The following SLC26A7 variants were observed in gnomAD, a reference collection of about 807,000 sequenced individuals.
SLC26A7 encodes anion exchange transporter.
A neutral mutation model predicts 82.5 loss-of-function variants in SLC26A7; 59 were observed. The ratio of observed to expected loss-of-function variants is 0.72; its 90% confidence interval spans 0.58 to 0.89. SLC26A7 has a LOEUF of 0.89. Ranked by LOEUF, SLC26A7 falls within the 40% of genes least tolerant of loss-of-function variation. SLC26A7 has a pLI of 0.00. For synonymous variants in SLC26A7, 271 were observed against 274.3 expected, an observed-to-expected ratio of 0.99 and a Z score of 0.12; for missense variants, 820 against 793.0, an observed-to-expected ratio of 1.03 and a Z score of -0.41.
At chr8:91,375,148 C>G (rs1287199179) in intron 15 of SLC26A7, among the ~76,000 whole-genome samples, 1 of 151,886 alleles carries the variant, frequency 6.6e-6, no homozygotes, top group African/African-American at 2.4e-5. Flanking sequence ...AAAAATGAGG[C>G]TATGGAGGCA....
chr8:91,314,383 C>T (rs1812573214), intron 4 of SLC26A7, among the ~76,000 whole-genome samples: 1 of 152,140 alleles, frequency 6.6e-6, no homozygotes, highest in Non-Finnish European at 1.5e-5. Flanking sequence ...TGCTTGTGTA[C>T]TTGCTACCTT....
chr8:91,242,554 G>A (rs2130687048), intron 2 of SLC26A7, among the ~76,000 whole-genome samples: 1 of 152,294 alleles, frequency 6.6e-6, no homozygotes, highest in Non-Finnish European at 1.5e-5. Context: ...AGTTAGGTTT[G>A]GATAAGGTCA....
intron 2 of SLC26A7, among the ~76,000 whole-genome samples, chr8:91,229,020 C>T (rs970638356): frequency 6.6e-6 from 1 of 152,180 alleles, no homozygotes; most frequent in Non-Finnish European, 1.5e-5. Context: ...TAGGAGTGGA[C>T]GGACAAAGCC....
At chr8:91,351,770 A>G in intron 9 of SLC26A7, 40 bp from the exon 10 acceptor site, 1 of 1,423,670 alleles carries the variant, frequency 7.0e-7, no homozygotes, top group Non-Finnish European at 9.9e-7. Flanking sequence ...AAAAAGTTCA[A>G]GGCTTTCTTT....
chr8:91,351,790 G>A lies in SLC26A7; in HGVS notation c.1141-20G>A, dbSNP rs766543611. 6.4e-7 allele frequency: 1 copy of A among 1,563,284 alleles called. No homozygotes were observed. On this transcript the variant is annotated intron_variant, in intron 9 of 18. Coordinates refer to ENST00000276609, the MANE Select transcript of SLC26A7 (RefSeq NM_052832.4). ...GTTCAAGGCTTTCTTTTTCCTTTTTGTCTGTCTTGTATTTTACAGGTGGCT... is the reference window on the plus strand; with the variant it reads ...GTTCAAGGCTTTCTTTTTCCTTTTTATCTGTCTTGTATTTTACAGGTGGCT...
intron 3 of SLC26A7, among the ~76,000 whole-genome samples, chr8:91,293,621 C>T (rs1355098965): frequency 6.6e-6 from 1 of 152,162 alleles, no homozygotes; most frequent in Non-Finnish European, 1.5e-5. Context: ...TCCTTTTGTT[C>T]CCCTAACAAA....
chr8:91,259,784 T>C (rs1810911560), intron 2 of SLC26A7, among the ~76,000 whole-genome samples: 1 of 152,124 alleles, frequency 6.6e-6, no homozygotes, highest in African/African-American at 2.4e-5. Flanking sequence ...TCAGTAATTC[T>C]CAACCATGGC....
intron 2 of SLC26A7, among the ~76,000 whole-genome samples, chr8:91,235,078 C>T (rs373504840): frequency 3.9e-5 from 6 of 152,060 alleles, no homozygotes; most frequent in East Asian, 3.9e-4. Flanking sequence ...AGTGACCACG[C>T]GAGGCTAATT....
chr8:91,227,801 A>G (rs939591280), intron 2 of SLC26A7, among the ~76,000 whole-genome samples: 2 of 152,116 alleles, frequency 1.3e-5, no homozygotes, highest in African/African-American at 4.8e-5. Context: ...TTTTATTTTG[A>G]AGCTTCTTAC....
intron 14 of SLC26A7, among the ~76,000 whole-genome samples, chr8:91,367,012 A>ATTT (rs956338736): frequency 6.9e-5 from 10 of 145,876 alleles, no homozygotes; most frequent in African/African-American, 2.0e-4. Flanking sequence ...CCTCCAAAGG[A>ATTT]TTTTTTTTTT....
At chr8:91,265,717 G>C (rs867696711) in intron 2 of SLC26A7, among the ~76,000 whole-genome samples, 1 of 151,666 alleles carries the variant, frequency 6.6e-6, no homozygotes, top group South Asian at 2.1e-4. Flanking sequence ...TAGGCTTTTT[G>C]CTTATTTATT....
chr8:91,349,933 T>C (rs1475778644), intron 9 of SLC26A7, among the ~76,000 whole-genome samples: 2 of 152,146 alleles, frequency 1.3e-5, no homozygotes, highest in Non-Finnish European at 2.9e-5. Context: ...CGTTGCAGTA[T>C]AGTAGAATGT....
chr8:91,228,916 C>T (rs1810275638), intron 2 of SLC26A7, among the ~76,000 whole-genome samples: 1 of 152,162 alleles, frequency 6.6e-6, no homozygotes, highest in Admixed American at 6.5e-5. Context: ...ATAAAATATC[C>T]ATATCTCACC....
chr8:91,378,144 C>T (rs1287629205), intron 15 of SLC26A7, among the ~76,000 whole-genome samples: 2 of 151,734 alleles, frequency 1.3e-5, no homozygotes, highest in South Asian at 2.1e-4. Context: ...GGCACAAAAA[C>T]TTAATAGATG....
intron 2 of SLC26A7, among the ~76,000 whole-genome samples, chr8:91,283,503 T>C (rs1247524364): frequency 8.5e-5 from 13 of 152,218 alleles, no homozygotes. Flanking sequence ...GATCAAAGAA[T>C]GTAGCACAGG....
At chr8:91,359,112 C>T (rs1412605825) in intron 11 of SLC26A7, among the ~76,000 whole-genome samples, 1 of 152,032 alleles carries the variant, frequency 6.6e-6, no homozygotes, top group African/African-American at 2.4e-5. Context: ...ATTCTAGCAG[C>T]AGTATGGCAA....
At chr8:91,290,920 C>G (rs1484776499) in intron 3 of SLC26A7, among the ~76,000 whole-genome samples, 2 of 152,150 alleles carry the variant, frequency 1.3e-5, no homozygotes, top group Non-Finnish European at 2.9e-5. Flanking sequence ...CATGAACCAG[C>G]AGGTTCAGCA....
intron 2 of SLC26A7, among the ~76,000 whole-genome samples, chr8:91,220,854 T>C (rs539911633): frequency 7.2e-4 from 110 of 152,326 alleles, no homozygotes; most frequent in Middle Eastern, 6.8e-3. Flanking sequence ...TTATAATCCT[T>C]TGGGTATATA....
chr8:91,234,818 T>G, intron 2 of SLC26A7, among the ~76,000 whole-genome samples: 1 of 138,106 alleles, frequency 7.2e-6, no homozygotes, highest in South Asian at 2.5e-4. Flanking sequence ...CCTACCTACC[T>G]ACCTACCTAC....
Sources: allele counts gnomAD v4.1 joint callset (sites outside exome capture counted in the v4.1 genomes callset), GRCh38; gene constraint gnomAD v4.1.1; transcripts MANE v1.5; gene names NCBI Gene and HGNC (gene_info 2026-07-23, HGNC 2026-07-21).